Variants in NRP2 observed in about 807,000 individuals in gnomAD.
NRP2 encodes neuropilin-2.
NRP2 carries 52 observed loss-of-function variants against 110.4 expected under a neutral mutation model. The ratio of observed to expected loss-of-function variants is 0.47; its 90% CI spans 0.38 to 0.59. NRP2 has a LOEUF of 0.59. Ranked by LOEUF, NRP2 falls within the 20% of genes least tolerant of loss-of-function variation. The pLI, the probability that NRP2 is intolerant of heterozygous loss-of-function variation, is 0.00. For synonymous variants in NRP2, 508 were observed against 468.9 expected (o/e 1.08, Z -1.08); for missense variants, 1,049 against 1,203.0 (o/e 0.87, Z 1.89).
chr2:205,743,739 C>T, intron 9 of NRP2, 187 bp downstream of exon 9: 2 of 941,922 alleles, frequency 2.1e-6, no homozygotes, highest in East Asian at 2.8e-5. Flanking sequence ...ATTTCTGACT[C>T]TTTTGTTTGT....
Position 205,763,798 on chromosome 2 carries a change from G to T in NRP2, c.2169G>T (p.Thr723=). The T allele has an allele frequency of 6.2e-7, 1 of 1,614,090 alleles. No homozygotes were observed. Among genetic ancestry groups the T allele is most frequent in the Non-Finnish European group, 8.5e-7 (1 of 1,179,998 alleles). The change falls in exon 13 of 17, where the codon ACG becomes ACT. Residue 723 remains threonine, a synonymous_variant. Coordinates refer to ENST00000357785, the MANE Select transcript of NRP2 (RefSeq NM_003872.3). This position sits in a 1 kb window ranked among gnomAD's most constrained non-coding sequence, Gnocchi z 4.0. Reference sequence around the variant, plus strand: ...GCATGGAGTTCCAGTACCAGGCCACGGGCGGCCGCGGGGTGGCGCTGCAGG... The same window carrying T: ...GCATGGAGTTCCAGTACCAGGCCACTGGCGGCCGCGGGGTGGCGCTGCAGG... ...PVCMEFQYQA[T]GGRGVALQVV... is the part of the protein sequence containing the mutation.
chr2:205,792,359 C>A, intron 16 of NRP2, 74 bp downstream of exon 16: 1 of 1,083,992 alleles, frequency 9.2e-7, no homozygotes, highest in Non-Finnish European at 1.4e-6. Context: ...AAAAATAATG[C>A]TCTGGGTATC....
At chr2:205,773,073 A>G (rs962029952) in intron 15 of NRP2, among the ~76,000 whole-genome samples, 5 of 152,152 alleles carry the variant, frequency 3.3e-5, no homozygotes, top group Admixed American at 2.6e-4. Flanking sequence ...TTGTCTGGGA[A>G]GGTGCTTTGG....
chr2:205,727,408 A>C (rs1297224066), intron 6 of NRP2, among the ~76,000 whole-genome samples: 1 of 152,234 alleles, frequency 6.6e-6, no homozygotes, highest in Non-Finnish European at 1.5e-5. Context: ...TGACCTGAGC[A>C]ACTAAATACA....
chr2:205,740,813 A>G (rs917060490), intron 8 of NRP2, 150 bp downstream of exon 8: 27 of 799,080 alleles, frequency 3.4e-5, no homozygotes, highest in Admixed American at 5.4e-5. Context: ...TTGTCTTTTC[A>G]TTCATTCATT....
chr2:205,700,725 A>AG (rs756676005), intron 2 of NRP2: 2 of 518,836 alleles, frequency 3.9e-6, no homozygotes, highest in African/African-American at 3.8e-5. Flanking sequence ...CTGCTTGGAA[A>AG]ATTTCACTCA....
intron 10 of NRP2, among the ~76,000 whole-genome samples, chr2:205,748,513 G>C (rs2057581729): frequency 6.6e-6 from 1 of 152,246 alleles, no homozygotes; most frequent in Admixed American, 6.5e-5. Context: ...GGCAGACACA[G>C]CAAAGGGAAG....
At chr2:205,722,256 T>C in intron 3 of NRP2, 1 of 585,612 alleles carries the variant, frequency 1.7e-6, no homozygotes, top group Non-Finnish European at 3.1e-6. Context: ...CAATTGCTGC[T>C]CTCACTCTAA....
intron 1 of NRP2, among the ~76,000 whole-genome samples, chr2:205,692,645 G>A (rs1279726396): frequency 2.6e-5 from 4 of 152,194 alleles, no homozygotes; most frequent in Non-Finnish European, 5.9e-5. Flanking sequence ...TAGACCTGAT[G>A]TGATTAAAGG....
intron 15 of NRP2, among the ~76,000 whole-genome samples, chr2:205,791,012 G>T (rs747000794): frequency 2.0e-5 from 3 of 152,214 alleles, no homozygotes; most frequent in Non-Finnish European, 4.4e-5. Context: ...GGCCAGAAAT[G>T]AGAAAGACTT....
At chr2:205,729,652 G>A (rs925810412) in intron 7 of NRP2, among the ~76,000 whole-genome samples, 2 of 152,212 alleles carry the variant, frequency 1.3e-5, no homozygotes, top group African/African-American at 4.8e-5. Context: ...AGCATAAGCT[G>A]TTTTAAAAGC....
chr2:205,763,835 G>A lies in NRP2; in HGVS notation c.2206G>A (p.Ala736Thr). 1 of 1,614,158 alleles carries A rather than the reference G, an allele frequency of 6.2e-7. No homozygotes were observed. The highest frequency in any genetic ancestry group is 8.5e-7 in the Non-Finnish European group (1 of 1,180,028). Reference protein sequence around the residue: ...RGVALQVVREASQESKLLWVI... With the variant: ...RGVALQVVRETSQESKLLWVI... The stretch of plus-strand genomic sequence containing the variant: ...GGTGGCGCTGCAGGTGGTGCGGGAA[G>A]CCAGCCAGGAGAGCAAGTTGCTGTG... Residue 736 changes from alanine to threonine, a missense_variant, in exon 13 of 17, where the codon GCC (alanine) becomes ACC (threonine). By Grantham distance (58) the Ala-to-Thr change is moderately conservative. Transcript: ENST00000357785. This position sits in a 1 kb window ranked among gnomAD's most constrained non-coding sequence, Gnocchi z 4.0.
chr2:205,718,968 A>G (rs114177462), intron 3 of NRP2, among the ~76,000 whole-genome samples: 1,713 of 151,174 alleles, frequency 0.011, 28 homozygotes, highest in African/African-American at 0.031. Context: ...TCAACCTTGT[A>G]TAAAGTGCAG....
intron 15 of NRP2, among the ~76,000 whole-genome samples, chr2:205,787,277 A>T (rs1040561162): frequency 6.6e-6 from 1 of 152,122 alleles, no homozygotes; most frequent in Non-Finnish European, 1.5e-5. Context: ...GTGCAGGGTG[A>T]TGCTGCCACT....
intron 1 of NRP2, among the ~76,000 whole-genome samples, chr2:205,685,259 G>A (rs908487139): frequency 6.6e-6 from 1 of 152,224 alleles, no homozygotes; most frequent in Admixed American, 6.5e-5. Context: ...CGGACCCGGG[G>A]TGGGATCTCA....
At chr2:205,728,702 C>T (rs1028367223) in intron 7 of NRP2, among the ~76,000 whole-genome samples, 4 of 152,218 alleles carry the variant, frequency 2.6e-5, no homozygotes, top group African/African-American at 9.6e-5. Flanking sequence ...TTTCTTAAGA[C>T]ATGACATTCT....
intron 1 of NRP2, among the ~76,000 whole-genome samples, chr2:205,692,655 G>A (rs1360407044): frequency 1.3e-5 from 2 of 152,190 alleles, no homozygotes; most frequent in African/African-American, 4.8e-5. Context: ...GTGATTAAAG[G>A]AGACATTTGA....
At chr2:205,790,353 C>A (rs901535847) in intron 15 of NRP2, among the ~76,000 whole-genome samples, 1 of 152,186 alleles carries the variant, frequency 6.6e-6, no homozygotes, top group Non-Finnish European at 1.5e-5. Context: ...CACATTCACC[C>A]CTTTCCAGCC....
chr2:205,692,196 C>T (rs1464566189), intron 1 of NRP2, among the ~76,000 whole-genome samples: 1 of 152,112 alleles, frequency 6.6e-6, no homozygotes, highest in Non-Finnish European at 1.5e-5. Flanking sequence ...TTTGCTGTGC[C>T]TTCAGGAGTG....
Sources: gnomAD v4.1 joint callset for allele counts (sites outside exome capture counted in the v4.1 genomes callset) on GRCh38, gnomAD v4.1.1 for gene constraint, Gnocchi (gnomAD v3.1) non-coding constraint, MANE v1.5 for transcripts, NCBI Gene and HGNC (gene_info 2026-07-23, HGNC 2026-07-21) for gene names.